Variants in ACSM1 observed in about 807,000 individuals in gnomAD.
ACSM1 encodes acyl-coenzyme A synthetase ACSM1, mitochondrial.
Under a neutral mutation model 75.8 loss-of-function variants are expected in ACSM1, and 79 were observed. The observed-to-expected ratio is 1.04, with a 90% CI of 0.87 to 1.26. ACSM1 has a LOEUF of 1.26. Ranked by LOEUF, ACSM1 falls within the 50% of genes most tolerant of loss-of-function variation. ACSM1 has a pLI of 0.00. For missense variants in ACSM1, 676 were observed against 720.1 expected, an observed-to-expected ratio of 0.94 and a Z score of 0.70; for synonymous variants, 279 against 265.8, an observed-to-expected ratio of 1.05 and a Z score of -0.48.
intron 1 of ACSM1, among the ~76,000 whole-genome samples, chr16:20,691,751 A>G (rs374473346): frequency 3.7e-5 from 5 of 134,106 alleles, no homozygotes; most frequent in Middle Eastern, 3.8e-3. Flanking sequence ...TACCTCTCCA[A>G]TGTGTGTGTG....
rs970919151 is a variant in ACSM1 at position 20,657,299 on chromosome 16, GTTTTGTT to G, written c.992+4488_992+4494del. 5.3e-5 allele frequency among the ~76,000 whole-genome samples: 8 copies of G among 149,658 alleles called. No individual in the cohort carries two copies. In the South Asian group the frequency reaches 1.0e-3, roughly 20 times the overall value. On this transcript the variant is annotated intron_variant, in intron 7 of 13. Coordinates refer to ENST00000520010, the MANE Select transcript of ACSM1 (RefSeq NM_001318890.3). Reference sequence around the variant, plus strand: ...TTGTTTTTTTGGGTTTGTTTTTTTGGTTTTGTTTTTTGTTTTTTGTTTTTTTCACACA... The same window carrying G: ...TTGTTTTTTTGGGTTTGTTTTTTTGGTTTTGTTTTTTGTTTTTTTCACACA...
chr16:20,682,302 A>G lies in ACSM1; in HGVS notation c.565T>C (p.Ser189Pro). 1 of 1,613,860 alleles carries G rather than the reference A, an allele frequency of 6.2e-7. No individual in the cohort carries two copies. Among genetic ancestry groups the G allele is most frequent in the Non-Finnish European group, 8.5e-7 (1 of 1,179,982 alleles). ...AGCCACCCTTCACGGCTGTGATCAG[A>G]CACCAGGAGCTTGGTTTTCAGAGAG... The part of the protein sequence containing the change: ...CPSLKTKLLV[S>P]DHSREGWLDF... The change falls in exon 4 of 14, where the codon TCT becomes CCT. Residue 189 changes from serine (S) to proline (P), a missense_variant. By Grantham distance (74) the Ser-to-Pro change is moderately conservative (BLOSUM62 -1). Transcript: ENST00000520010.
chr16:20,663,172 C>T (rs1253747758), intron 6 of ACSM1, among the ~76,000 whole-genome samples: 1 of 152,178 alleles, frequency 6.6e-6, no homozygotes, highest in Non-Finnish European at 1.5e-5. Context: ...TGTGCACAGA[C>T]TTGTTGGCTA....
At position 20,623,586 on chromosome 16, in the gene ACSM1, A is replaced by G; in HGVS notation, c.1648-14T>C. On this transcript the variant is annotated splice_polypyrimidine_tract_variant and intron_variant, in intron 13 of 13. Transcript: ENST00000520010. ...GACAAACTCCACCTGGTTGAGGATAAAGCAAATCCACAGTGATTGAGTCCT... is the reference window on the plus strand; with the variant it reads ...GACAAACTCCACCTGGTTGAGGATAGAGCAAATCCACAGTGATTGAGTCCT... The G allele has an allele frequency of 2.5e-6, 4 of 1,611,490 alleles. No individual in the cohort carries two copies. In the South Asian group the frequency reaches 4.4e-5, roughly 18 times the overall value.
At position 20,648,169 on chromosome 16, in the gene ACSM1, A is replaced by G. The variant is rs1041118525; in HGVS notation, c.993-7585T>C. 2.0e-5 allele frequency among the ~76,000 whole-genome samples: 3 copies of G among 152,196 alleles called. No individual in the cohort carries two copies. The highest frequency in any genetic ancestry group is 2.0e-4 in the Admixed American group (3 of 15,270). ...ACCCCAACATTTCTATGCCTTTCTC[A>G]TATCCAGGAGAGACTGAGAATCTGA... On this transcript the variant is annotated intron_variant, in intron 7 of 13. Transcript: ENST00000520010. This position sits in a 1 kb window ranked among gnomAD's most constrained non-coding sequence, Gnocchi z 4.2.
chr16:20,685,723 G>A (rs533121812), intron 2 of ACSM1, among the ~76,000 whole-genome samples: 1 of 151,234 alleles, frequency 6.6e-6, no homozygotes, highest in African/African-American at 2.4e-5. Context: ...AGGAGGCTGA[G>A]GTAGGAGAAT....
At chr16:20,676,640 G>A (rs1052200503) in intron 4 of ACSM1, among the ~76,000 whole-genome samples, 1 of 152,144 alleles carries the variant, frequency 6.6e-6, no homozygotes, top group Non-Finnish European at 1.5e-5. Context: ...CTTAACAAAG[G>A]CTAATTTACT....
chr16:20,660,015 A>G (rs1403047665), intron 7 of ACSM1, among the ~76,000 whole-genome samples: 1 of 152,240 alleles, frequency 6.6e-6, no homozygotes, highest in Non-Finnish European at 1.5e-5. Context: ...CCTAAAATAT[A>G]TAAAACCAAG....
At chr16:20,653,890 A>G (rs1205513755) in intron 7 of ACSM1, among the ~76,000 whole-genome samples, 1 of 151,360 alleles carries the variant, frequency 6.6e-6, no homozygotes, top group African/African-American at 2.5e-5. Flanking sequence ...TCTTCACAGA[A>G]TTGGAAAAAA....
chr16:20,650,118 G>A (rs1434325431), intron 7 of ACSM1, among the ~76,000 whole-genome samples: 1 of 152,170 alleles, frequency 6.6e-6, no homozygotes, highest in Non-Finnish European at 1.5e-5. Context: ...TTGGTTGACA[G>A]TCCTTGATTT....
chr16:20,623,612 G>T, intron 13 of ACSM1, 40 bp from the exon 14 acceptor site: 1 of 1,574,632 alleles, frequency 6.4e-7, no homozygotes, highest in Non-Finnish European at 8.7e-7. Context: ...ATTGAGTCCT[G>T]CTGCCATTTC....
chr16:20,666,482 C>G (rs142878610), intron 6 of ACSM1, among the ~76,000 whole-genome samples: 1 of 152,064 alleles, frequency 6.6e-6, no homozygotes, highest in African/African-American at 2.4e-5. Flanking sequence ...AGAGATGACA[C>G]AAATAAATGG....
In ACSM1 at chr16:20,661,889, A is replaced by G. The variant is rs768837248; in HGVS notation, c.913-16T>C. 1.3e-6 allele frequency: 2 copies of G among 1,572,020 alleles called. No homozygotes were observed. The highest frequency in any genetic ancestry group is 1.7e-6 in the Non-Finnish European group (2 of 1,144,244). On this transcript the variant is annotated splice_polypyrimidine_tract_variant and intron_variant, in intron 6 of 13. Transcript: ENST00000520010. ...TCAACAATGTCTGGAAAGGGAAGAGAGAAGAAATTTTATTTTTACAGTTAA... is the reference window on the plus strand; with the variant it reads ...TCAACAATGTCTGGAAAGGGAAGAGGGAAGAAATTTTATTTTTACAGTTAA...
chr16:20,683,986 A>T (rs1045508679), intron 3 of ACSM1, among the ~76,000 whole-genome samples: 1 of 152,106 alleles, frequency 6.6e-6, no homozygotes, highest in Non-Finnish European at 1.5e-5. Context: ...TGAATGAATC[A>T]CCTATTTTAT....
chr16:20,628,871 T>A (rs901847371), intron 10 of ACSM1, among the ~76,000 whole-genome samples: 1 of 152,228 alleles, frequency 6.6e-6, no homozygotes, highest in African/African-American at 2.4e-5. Flanking sequence ...CTGAGAGGGT[T>A]GATATTTGAA....
chr16:20,637,333 GC>G lies in ACSM1; in HGVS notation c.1197+37del, dbSNP rs752379670. On this transcript the variant is annotated intron_variant, in intron 9 of 13. Transcript: ENST00000520010. ...TGTCAAATTGTCCAACCCCCGCTGA[GC>G]CCTAACTGCTCCCTGCCAATGCCCT... is the stretch of plus-strand genomic sequence containing the variant. The G allele has an allele frequency of 2.2e-5, 34 of 1,569,636 alleles. No homozygotes were observed. In the African/African-American group the frequency reaches 3.8e-4, roughly 18 times the overall value.
At chr16:20,628,948 GT>G (rs1016734845) in intron 10 of ACSM1, among the ~76,000 whole-genome samples, 3 of 152,060 alleles carry the variant, frequency 2.0e-5, no homozygotes, top group African/African-American at 7.2e-5. Flanking sequence ...ACATGAAATG[GT>G]TTTAAGAGCT....
At chr16:20,641,561 T>C (rs1299882817) in intron 7 of ACSM1, among the ~76,000 whole-genome samples, 2 of 152,230 alleles carry the variant, frequency 1.3e-5, no homozygotes, top group East Asian at 1.9e-4. Context: ...ATGCACCTGA[T>C]CTTTTGACCT....
chr16:20,660,674 A>G (rs1310840740), intron 7 of ACSM1, among the ~76,000 whole-genome samples: 1 of 152,196 alleles, frequency 6.6e-6, no homozygotes, highest in African/African-American at 2.4e-5. Flanking sequence ...TATAATTCAG[A>G]GTTAGCTCTG....
Sources: gnomAD v4.1 joint callset for allele counts (sites outside exome capture counted in the v4.1 genomes callset) on GRCh38, gnomAD v4.1.1 for gene constraint, Gnocchi (gnomAD v3.1) non-coding constraint, MANE v1.5 for transcripts, NCBI Gene and HGNC (gene_info 2026-07-23, HGNC 2026-07-21) for gene names.